Variants in PDE10A observed in about 807,000 individuals in gnomAD.
The protein encoded by PDE10A is cAMP and cAMP-inhibited cGMP 3',5'-cyclic phosphodiesterase 10A.
In PDE10A, 39 loss-of-function variants were observed where a neutral mutation model predicts 97.7. The observed-to-expected ratio is 0.40, with a 90% CI of 0.31 to 0.52. The LOEUF (loss-of-function observed/expected upper bound fraction) is 0.52. Among genes scored for constraint, PDE10A ranks in the 20% least tolerant of loss-of-function variants. PDE10A has a pLI of 0.56. For missense variants in PDE10A, 731 were observed against 1,047.8 expected (o/e 0.70, Z 4.17); for synonymous variants, 371 against 376.8 (o/e 0.98, Z 0.18).
rs559148701 is a variant in PDE10A, at chr6:165,460,541, T to C, written c.1024-10179A>G. Among the ~76,000 whole-genome samples the C allele has an allele frequency of 2.0e-5, 3 of 152,240 alleles. No homozygotes were observed. In the South Asian group the frequency reaches 6.2e-4, roughly 32 times the overall value. ...TATTCAGGGAAAGAAATTTAAAGGT[T>C]TGGTAGATACAGGAGCAGACATTTC... On this transcript the variant is annotated intron_variant, in intron 3 of 21. Coordinates refer to ENST00000539869, the MANE Select transcript of PDE10A (RefSeq NM_001385079.1).
rs1477065514 is a variant in PDE10A, at chr6:165,943,114, C to T, written c.-615+44415G>A. ...AGAACCCAGAGAGAGGAAGGGAAATCGTGCGGTGGGGCAGGGGAGGCAAGA... is the reference window on the plus strand; with the variant it reads ...AGAACCCAGAGAGAGGAAGGGAAATTGTGCGGTGGGGCAGGGGAGGCAAGA... On this transcript the variant is annotated intron_variant, in intron 1 of 19. Coordinates refer to the PDE10A transcript ENST00000366882. Among the ~76,000 whole-genome samples the T allele has an allele frequency of 2.9e-5, 4 of 140,344 alleles. 1 individual carries two copies. The highest frequency in any genetic ancestry group is 1.1e-4 in the African/African-American group (4 of 36,856). The allele number at this position is 140,344 out of a possible 152,430, so 92.1% of individuals were successfully genotyped here.
intron 18 of PDE10A, among the ~76,000 whole-genome samples, chr6:165,361,097 G>A (rs2128192889): frequency 6.6e-6 from 1 of 152,304 alleles, no homozygotes; most frequent in South Asian, 2.1e-4. Context: ...TCTATTTGAA[G>A]ATGACATAAT....
Position 165,422,446 on chromosome 6 carries a change from C to T in PDE10A, c.1654-3669G>A, listed in dbSNP as rs539777309. Among the ~76,000 whole-genome samples, 22 of 145,448 alleles carry T rather than the reference C, an allele frequency of 1.5e-4. 1 individual carries two copies. The highest frequency in any genetic ancestry group is 3.5e-3 in the Middle Eastern group (1 of 284). ...ATACACACATACGCATACACACATA[C>T]GCATATACACACACAGGCATACACA... On this transcript the variant is annotated intron_variant, in intron 10 of 21. Coordinates refer to ENST00000539869, the MANE Select transcript of PDE10A (RefSeq NM_001385079.1).
intron 1 of PDE10A, among the ~76,000 whole-genome samples, chr6:165,732,018 C>T (rs186954731): frequency 3.9e-5 from 6 of 152,274 alleles, no homozygotes; most frequent in Middle Eastern, 3.4e-3. Context: ...GTGTACCCAG[C>T]CCTGTCACTG....
At position 165,396,397 on chromosome 6, in the gene PDE10A, G is replaced by A. The variant is rs780011165; in HGVS notation, c.2139C>T (p.Tyr713=). The A allele has an allele frequency of 1.9e-6, 3 of 1,613,090 alleles. No individual in the cohort carries two copies. The highest frequency in any genetic ancestry group is 1.7e-6 in the Non-Finnish European group (2 of 1,179,338). The change falls in exon 14 of 22, where the codon TAC becomes TAT. Residue 713 remains tyrosine (Y), a synonymous_variant. Transcript: ENST00000539869. The part of the protein sequence containing the change: ...IYRVTMEKLS[Y]HSICTSEEWQ... The stretch of plus-strand genomic sequence containing the variant: ...ACTCTTCTGAAGTACAAATGCTATG[G>A]TAGGACAGCTTTTCCATCGTTACCC...
At chr6:165,504,748 A>G (rs1781093957) in intron 2 of PDE10A, among the ~76,000 whole-genome samples, 2 of 152,270 alleles carry the variant, frequency 1.3e-5, no homozygotes, top group South Asian at 4.1e-4. Context: ...AACCTAATAT[A>G]TTAAATAGAT....
chr6:165,728,968 A>T (rs2934844), intron 1 of PDE10A, among the ~76,000 whole-genome samples: 114,939 of 152,088 alleles, frequency 0.76, 44,275 homozygotes, highest in African/African-American at 0.92. Flanking sequence ...GAGGCCATGG[A>T]GGGAGGATTG....
intron 1 of PDE10A, among the ~76,000 whole-genome samples, chr6:165,579,284 T>C (rs565836364): frequency 2.6e-5 from 4 of 152,280 alleles, no homozygotes; most frequent in South Asian, 2.1e-4. Flanking sequence ...TTTACTCCCA[T>C]AGAAAGAATT....
At chr6:165,704,632 C>T (rs762629847) in intron 1 of PDE10A, among the ~76,000 whole-genome samples, 1 of 151,938 alleles carries the variant, frequency 6.6e-6, no homozygotes, top group Non-Finnish European at 1.5e-5. Context: ...ATCAGAGTCA[C>T]CAACAGCAAA....
intron 2 of PDE10A, among the ~76,000 whole-genome samples, chr6:165,498,830 T>A (rs1780703399): frequency 6.6e-6 from 1 of 152,208 alleles, no homozygotes; most frequent in Non-Finnish European, 1.5e-5. Flanking sequence ...TTAGAGTACA[T>A]GATTGCTCTA....
intron 1 of PDE10A, among the ~76,000 whole-genome samples, chr6:165,834,080 G>A (rs1391876674): frequency 3.3e-5 from 5 of 152,198 alleles, no homozygotes; most frequent in African/African-American, 7.2e-5. Flanking sequence ...AGGGGCTCAC[G>A]GAGGGTGAGC....
At chr6:165,836,381 C>G (rs1366580304) in intron 1 of PDE10A, among the ~76,000 whole-genome samples, 1 of 152,238 alleles carries the variant, frequency 6.6e-6, no homozygotes, top group African/African-American at 2.4e-5. Context: ...GTCGGCACAG[C>G]CCCTCTTAGG....
intron 1 of PDE10A, among the ~76,000 whole-genome samples, chr6:165,734,122 CA>C (rs1322401608): frequency 1.3e-5 from 2 of 152,150 alleles, no homozygotes; most frequent in South Asian, 2.1e-4. Flanking sequence ...AGAGAGACTG[CA>C]AAGGACCATC....
At chr6:165,566,810 G>A (rs1784799519) in intron 1 of PDE10A, among the ~76,000 whole-genome samples, 2 of 152,124 alleles carry the variant, frequency 1.3e-5, no homozygotes, top group South Asian at 2.1e-4. Flanking sequence ...ATGAAAAAAT[G>A]AGCAAGTCCA....
At chr6:165,637,382 T>C (rs921802411) in intron 1 of PDE10A, among the ~76,000 whole-genome samples, 1 of 152,208 alleles carries the variant, frequency 6.6e-6, no homozygotes, top group Non-Finnish European at 1.5e-5. Context: ...GAAAAGCCAC[T>C]GCACCACCCA....
chr6:165,553,238 G>T (rs542921625), intron 1 of PDE10A, among the ~76,000 whole-genome samples: 1 of 152,036 alleles, frequency 6.6e-6, no homozygotes, highest in Non-Finnish European at 1.5e-5. Context: ...GAGGAGGGGG[G>T]TGTCTTTTTT....
chr6:165,351,121 T>C (rs1782666093), intron 18 of PDE10A, among the ~76,000 whole-genome samples: 1 of 152,172 alleles, frequency 6.6e-6, no homozygotes, highest in Non-Finnish European at 1.5e-5. Flanking sequence ...ATGTCTTATG[T>C]AAACAAATTA....
At chr6:165,609,887 T>C (rs889874803) in intron 1 of PDE10A, among the ~76,000 whole-genome samples, 1 of 152,340 alleles carries the variant, frequency 6.6e-6, no homozygotes. Context: ...GAACATTCCA[T>C]GCTCATGGAT....
intron 1 of PDE10A, among the ~76,000 whole-genome samples, chr6:165,803,658 A>G (rs1779041515): frequency 1.3e-5 from 2 of 152,234 alleles, no homozygotes; most frequent in Non-Finnish European, 2.9e-5. Flanking sequence ...TGTCTCTGAG[A>G]CAGTTCCTAT....
Sources: gnomAD v4.1 joint callset for allele counts (sites outside exome capture counted in the v4.1 genomes callset) on GRCh38, gnomAD v4.1.1 for gene constraint, MANE v1.5 for transcripts, NCBI Gene and HGNC (gene_info 2026-07-23, HGNC 2026-07-21) for gene names.